The following CHCHD4 variants were observed in gnomAD, a reference collection of about 807,000 sequenced individuals.
CHCHD4 encodes the protein coiled-coil-helix-coiled-coil-helix domain containing 4.
CHCHD4 carries 7 observed loss-of-function variants against 12.4 expected under a neutral mutation model. The observed-to-expected ratio is 0.57, with a 90% CI of 0.32 to 1.06. The LOEUF (loss-of-function observed/expected upper bound fraction) is 1.06, where lower values mean the gene tolerates loss of function less well. Ranked by LOEUF, CHCHD4 falls within the 50% of genes least tolerant of loss-of-function variation. CHCHD4 has a pLI of 0.04. For missense variants in CHCHD4, 143 were observed against 175.1 expected, an observed-to-expected ratio of 0.82 and a Z score of 1.03; for synonymous variants, 56 against 58.0, an observed-to-expected ratio of 0.97 and a Z score of 0.16.
chr3:14,113,285 AG>A (rs1694841581), intron 2 of CHCHD4, 91 bp from the exon 3 acceptor site: 1 of 1,086,324 alleles, frequency 9.2e-7, no homozygotes, highest in East Asian at 2.4e-5. Flanking sequence ...GGTGCAGAAC[AG>A]GAACTATTGT....
chr3:14,113,152 C>T lies in CHCHD4; in HGVS notation c.164G>A (p.Cys55Tyr). Reference protein sequence around the residue: ...PNGNINWNCPCLGGMASGPCG... With the variant: ...PNGNINWNCPYLGGMASGPCG... ...GGGACCGCTGGCCATTCCCCCAAGG[C>T]ATGGGCAGTTCCAGTTAATGTTTCC... The change falls in exon 3 of 3, where the codon TGC (cysteine) becomes TAC (tyrosine). Residue 55 changes from cysteine (C) to tyrosine (Y), a missense_variant. Coordinates refer to ENST00000396914, the MANE Select transcript of CHCHD4 (RefSeq NM_001098502.2). The T allele has an allele frequency of 6.2e-7, 1 of 1,613,586 alleles. No individual in the cohort carries two copies. The highest frequency in any genetic ancestry group is 8.5e-7 in the Non-Finnish European group (1 of 1,179,746).
At chr3:14,121,908 T>C in intron 1 of CHCHD4, 1 of 1,614,156 alleles carries the variant, frequency 6.2e-7, no homozygotes, top group African/African-American at 1.3e-5. Context: ...GAAGTTTAGC[T>C]CAACAAACCT....
intron 1 of CHCHD4, chr3:14,122,211 A>G (rs1191931733): frequency 7.5e-7 from 1 of 1,339,652 alleles, no homozygotes; most frequent in South Asian, 1.5e-5. Context: ...CTCAGACCCC[A>G]TAGAGCCTTT....
chr3:14,124,633 C>T (rs1365863176), intron 1 of CHCHD4, 22 bp downstream of exon 1: 5 of 1,509,194 alleles, frequency 3.3e-6, no homozygotes, highest in Admixed American at 2.2e-5. Context: ...GGCCGGTCTC[C>T]GTGGCAGCCC....
intron 1 of CHCHD4, among the ~76,000 whole-genome samples, chr3:14,118,399 G>C (rs934565943): frequency 6.6e-6 from 1 of 152,250 alleles, no homozygotes; most frequent in African/African-American, 2.4e-5. Flanking sequence ...TTGGGCCCAT[G>C]CTTGGGCTGA....
chr3:14,122,023 CAAAG>C, intron 1 of CHCHD4: 1 of 1,613,158 alleles, frequency 6.2e-7, no homozygotes, highest in South Asian at 1.1e-5. Context: ...TTGTCCCTGA[CAAAG>C]AGCTTCAGGG....
At chr3:14,116,758 C>A (rs1474172536) in intron 1 of CHCHD4, among the ~76,000 whole-genome samples, 1 of 152,202 alleles carries the variant, frequency 6.6e-6, no homozygotes, top group Non-Finnish European at 1.5e-5. Flanking sequence ...GGTTGACCCA[C>A]AGGGTTCAGA....
chr3:14,121,403 AAGTG>A (rs945143768), intron 1 of CHCHD4, among the ~76,000 whole-genome samples: 1 of 152,236 alleles, frequency 6.6e-6, no homozygotes, highest in Admixed American at 6.5e-5. Context: ...TATCACCATT[AAGTG>A]AGTGAGACCA....
chr3:14,120,312 T>C (rs1157222629), intron 1 of CHCHD4, among the ~76,000 whole-genome samples: 3 of 152,226 alleles, frequency 2.0e-5, no homozygotes, highest in Middle Eastern at 3.4e-3. Flanking sequence ...GGCTCGATCT[T>C]CAAATACATC....
rs762928190 is a variant in CHCHD4, at chr3:14,113,043, G to T, written c.273C>A (p.Phe91Leu). 1 of 1,613,878 alleles carries T rather than the reference G, an allele frequency of 6.2e-7. No individual in the cohort carries two copies. The highest frequency in any genetic ancestry group is 8.5e-7 in the Non-Finnish European group (1 of 1,180,012). The change falls in exon 3 of 3, where the codon TTC (phenylalanine) becomes TTA (leucine). Residue 91 changes from phenylalanine to leucine, a missense_variant. Coordinates refer to ENST00000396914, the MANE Select transcript of CHCHD4 (RefSeq NM_001098502.2). ...TCTGCATGCATTCCTGCATGGCCCG[G>T]AACTGGTCTACACAGTCTGACCCCT... is the stretch of plus-strand genomic sequence containing the variant. ...EIKGSDCVDQFRAMQECMQKY... is the reference protein window; with the variant it reads ...EIKGSDCVDQLRAMQECMQKY...
At chr3:14,120,105 C>T (rs1183066505) in intron 1 of CHCHD4, among the ~76,000 whole-genome samples, 2 of 152,130 alleles carry the variant, frequency 1.3e-5, no homozygotes, top group Non-Finnish European at 2.9e-5. Flanking sequence ...CAGTCCCCAC[C>T]CCAGAACCTT....
chr3:14,112,891 C>G lies in CHCHD4; in HGVS notation c.425G>C (p.Ser142Thr), dbSNP rs1694835811. 6 of 1,609,778 alleles carry G rather than the reference C, an allele frequency of 3.7e-6. No individual in the cohort carries two copies. Among genetic ancestry groups the G allele is most frequent in the Non-Finnish European group, 5.1e-6 (6 of 1,177,692 alleles). ...ATATKEEEGS[S>T] Reference sequence around the variant, plus strand: ...CCCAGTGCCTTGTGGCCTTCATTAACTTGATCCCTCCTCTTCTTTGGTTGC... The same window carrying G: ...CCCAGTGCCTTGTGGCCTTCATTAAGTTGATCCCTCCTCTTCTTTGGTTGC... The change falls in exon 3 of 3, where the codon AGT becomes ACT. Residue 142 changes from serine (S) to threonine (T), a missense_variant. Transcript: ENST00000396914.
chr3:14,118,683 T>G (rs1398235251), intron 1 of CHCHD4, among the ~76,000 whole-genome samples: 1 of 152,232 alleles, frequency 6.6e-6, no homozygotes, highest in Non-Finnish European at 1.5e-5. Context: ...AAGGCTGCTT[T>G]TCCCCTGTGG....
chr3:14,120,629 G>T (rs147691390), intron 1 of CHCHD4, among the ~76,000 whole-genome samples: 1 of 152,276 alleles, frequency 6.6e-6, no homozygotes, highest in East Asian at 1.9e-4. Context: ...TTTACCACTT[G>T]ATGCCCCCAC....
At chr3:14,119,193 G>C (rs553522079) in intron 1 of CHCHD4, 4 of 152,340 alleles carry the variant, frequency 2.6e-5, no homozygotes, top group South Asian at 4.1e-4. Context: ...ACACTGGATC[G>C]AAAGTAGAAC....
intron 2 of CHCHD4, among the ~76,000 whole-genome samples, chr3:14,113,804 C>G (rs1694847432): frequency 6.6e-6 from 1 of 152,200 alleles, no homozygotes; most frequent in Admixed American, 6.5e-5. Flanking sequence ...AAAAATCAAC[C>G]AAACCTGTTA....
chr3:14,122,631 G>C (rs541885609), intron 1 of CHCHD4, among the ~76,000 whole-genome samples: 2 of 152,322 alleles, frequency 1.3e-5, no homozygotes, highest in African/African-American at 4.8e-5. Context: ...GCAGGTAAAT[G>C]CATGATTCAA....
rs768301425 is a variant in CHCHD4, at chr3:14,113,024, T to G, written c.292A>C (p.Met98Leu). The change falls in exon 3 of 3, where the codon ATG (methionine) becomes CTG (leucine). Residue 98 changes from methionine to leucine, a missense_variant. Physicochemically the swap from Met to Leu is conservative, Grantham distance 15. Coordinates refer to ENST00000396914, the MANE Select transcript of CHCHD4 (RefSeq NM_001098502.2). Reference protein sequence around the residue: ...VDQFRAMQECMQKYPDLYPQE... With the variant: ...VDQFRAMQECLQKYPDLYPQE... ...GGATAGAGGTCTGGGTATTTCTGCA[T>G]GCATTCCTGCATGGCCCGGAACTGG... is the stretch of plus-strand genomic sequence containing the variant. 9 of 1,613,988 alleles carry G rather than the reference T, an allele frequency of 5.6e-6. No individual in the cohort carries two copies. The East Asian group carries it at 1.1e-4, about 20-fold the overall frequency.
chr3:14,122,053 T>C, intron 1 of CHCHD4: 1 of 1,606,864 alleles, frequency 6.2e-7, no homozygotes, highest in African/African-American at 1.3e-5. Flanking sequence ...AGGAGGGGAA[T>C]AGACATTCCA....
Sources: gnomAD v4.1 joint callset for allele counts (sites outside exome capture counted in the v4.1 genomes callset) on GRCh38, gnomAD v4.1.1 for gene constraint, MANE v1.5 for transcripts, NCBI Gene and HGNC (gene_info 2026-07-23, HGNC 2026-07-21) for gene names.